The following RPS6KC1 variants were observed in gnomAD, a reference collection of about 807,000 sequenced individuals.
RPS6KC1 encodes inactive ribosomal protein S6 kinase delta-1.
RPS6KC1 carries 54 observed loss-of-function variants against 103.8 expected under a neutral mutation model. That is an observed-to-expected ratio of 0.52 (90% CI 0.42 to 0.65). The LOEUF is 0.65. RPS6KC1 is among the 30% of genes least tolerant of loss of function. The pLI is 0.00. For synonymous variants in RPS6KC1, 439 were observed against 438.7 expected, an observed-to-expected ratio of 1.00 and a Z score of -0.01; for missense variants, 1,151 against 1,253.8, an observed-to-expected ratio of 0.92 and a Z score of 1.24.
chr1:213,837,813 T>G, the RPS6KC1 span, among the ~76,000 whole-genome samples: 1 of 152,252 alleles, frequency 6.6e-6, no homozygotes, highest in Non-Finnish European at 1.5e-5. Flanking sequence ...ATCAAGTGAA[T>G]ATATTTTGTT....
At chr1:213,369,799 T>G in the RPS6KC1 span, among the ~76,000 whole-genome samples, 1 of 152,236 alleles carries the variant, frequency 6.6e-6, no homozygotes, top group Non-Finnish European at 1.5e-5. Flanking sequence ...AATTAGCACA[T>G]ATTTTCGACC....
chr1:213,316,684 G>C, the RPS6KC1 span, among the ~76,000 whole-genome samples: 1 of 150,318 alleles, frequency 6.7e-6, no homozygotes, highest in Non-Finnish European at 1.5e-5. Flanking sequence ...AATAGAGCAA[G>C]GTAGGTAGGG....
At chr1:213,260,319 G>A (rs1247512773) in intron 12 of RPS6KC1, among the ~76,000 whole-genome samples, 1 of 152,154 alleles carries the variant, frequency 6.6e-6, no homozygotes, top group Non-Finnish European at 1.5e-5. Flanking sequence ...GCTTGGGAAG[G>A]GCTGTGAAGG....
At chr1:213,404,041 G>A in the RPS6KC1 span, among the ~76,000 whole-genome samples, 1 of 152,148 alleles carries the variant, frequency 6.6e-6, no homozygotes, top group East Asian at 1.9e-4. Flanking sequence ...AGCTGAGAAG[G>A]CCCTAAGCGA....
chr1:213,507,175 A>C, the RPS6KC1 span, among the ~76,000 whole-genome samples: 1 of 152,154 alleles, frequency 6.6e-6, no homozygotes, highest in Admixed American at 6.5e-5. Context: ...ACCTATTCCA[A>C]GTGAACAGGT....
the RPS6KC1 span, among the ~76,000 whole-genome samples, chr1:213,575,580 G>A: frequency 1.3e-5 from 2 of 152,216 alleles, no homozygotes; most frequent in Admixed American, 1.3e-4. Context: ...GAAGAAGGAT[G>A]TGTTTGCTTC....
chr1:213,340,451 C>T, the RPS6KC1 span, among the ~76,000 whole-genome samples: 2 of 152,220 alleles, frequency 1.3e-5, no homozygotes, highest in Admixed American at 6.5e-5. Flanking sequence ...GGTGTAACTA[C>T]ATTAATTAGG....
chr1:213,217,843 C>T (rs1308156848), intron 8 of RPS6KC1, among the ~76,000 whole-genome samples: 1 of 152,136 alleles, frequency 6.6e-6, no homozygotes, highest in Non-Finnish European at 1.5e-5. Flanking sequence ...TAAAAACTCT[C>T]AATAAATTAG....
the RPS6KC1 span, among the ~76,000 whole-genome samples, chr1:213,559,449 CAGTT>C: frequency 6.6e-6 from 1 of 152,118 alleles, no homozygotes; most frequent in Non-Finnish European, 1.5e-5. Context: ...ATACAGAAGT[CAGTT>C]AGATAAAATA....
chr1:213,565,042 T>G, the RPS6KC1 span, among the ~76,000 whole-genome samples: 3 of 152,220 alleles, frequency 2.0e-5, no homozygotes, highest in Admixed American at 2.0e-4. Context: ...TCAACATTAC[T>G]AGTCATGAAA....
chr1:213,784,716 G>A, the RPS6KC1 span, among the ~76,000 whole-genome samples: 1 of 152,148 alleles, frequency 6.6e-6, no homozygotes, highest in African/African-American at 2.4e-5. Context: ...CAACTGGATG[G>A]CGCTTTTCAC....
At chr1:213,615,673 C>A in the RPS6KC1 span, among the ~76,000 whole-genome samples, 2 of 152,378 alleles carry the variant, frequency 1.3e-5, no homozygotes, top group East Asian at 3.9e-4. Context: ...ACCGTGTGTT[C>A]CACAGAACGC....
chr1:213,498,772 A>ATTTTTTT, the RPS6KC1 span, among the ~76,000 whole-genome samples: 1 of 112,026 alleles, frequency 8.9e-6, no homozygotes, highest in African/African-American at 3.3e-5. Flanking sequence ...GTTTTCTAAG[A>ATTTTTTT]TTTTTTTTTT....
At chr1:213,426,356 G>A in the RPS6KC1 span, among the ~76,000 whole-genome samples, 2 of 152,148 alleles carry the variant, frequency 1.3e-5, no homozygotes, top group African/African-American at 2.4e-5. Context: ...GGGAGAGAAG[G>A]CTGGGCCACC....
At chr1:213,653,506 A>G in the RPS6KC1 span, among the ~76,000 whole-genome samples, 1 of 151,926 alleles carries the variant, frequency 6.6e-6, no homozygotes, top group African/African-American at 2.4e-5. Context: ...AGTTTCTTTC[A>G]AGTTTGTATC....
At chr1:213,716,464 CCTTCAACAATCTCAGG>C in the RPS6KC1 span, among the ~76,000 whole-genome samples, 1 of 152,150 alleles carries the variant, frequency 6.6e-6, no homozygotes, top group African/African-American at 2.4e-5. Context: ...TAGACAATCT[CCTTCAACAATCTCAGG>C]CCTCCTGTGA....
At chr1:213,737,071 G>A in the RPS6KC1 span, among the ~76,000 whole-genome samples, 3 of 152,178 alleles carry the variant, frequency 2.0e-5, no homozygotes, top group Non-Finnish European at 2.9e-5. Flanking sequence ...TGCATTTGGT[G>A]TAATTTGTTG....
intron 1 of RPS6KC1, among the ~76,000 whole-genome samples, chr1:213,053,856 A>T (rs2148256936): frequency 6.6e-6 from 1 of 150,820 alleles, no homozygotes; most frequent in East Asian, 1.9e-4. Context: ...TTTTTTTCCA[A>T]GGCGTAGTCT....
intron 10 of RPS6KC1, among the ~76,000 whole-genome samples, chr1:213,239,408 G>C (rs1241232135): frequency 6.6e-6 from 1 of 152,080 alleles, no homozygotes; most frequent in Non-Finnish European, 1.5e-5. Flanking sequence ...AGGTGTATGA[G>C]AATCCTAGGA....
Sources: gnomAD v4.1 joint callset for allele counts (sites outside exome capture counted in the v4.1 genomes callset) on GRCh38, gnomAD v4.1.1 for gene constraint, MANE v1.5 for transcripts, NCBI Gene and HGNC (gene_info 2026-07-23, HGNC 2026-07-21) for gene names.